The following LGSN variants were observed in gnomAD, a reference collection of about 807,000 sequenced individuals.
LGSN encodes the protein lengsin.
Under a neutral mutation model 19.5 loss-of-function variants are expected in LGSN, and 21 were observed. The ratio of observed to expected loss-of-function variants is 1.07; its 90% CI spans 0.76 to 1.55. The LOEUF (loss-of-function observed/expected upper bound fraction) is 1.55. Among genes scored for constraint, LGSN ranks in the 40% most tolerant of loss-of-function variants. The probability of loss-of-function intolerance (pLI) is 0.00; values close to 1 mark genes in which losing one functional copy is unlikely to be tolerated. For missense variants in LGSN, 673 were observed against 608.5 expected (o/e 1.11, Z -1.12); for synonymous variants, 257 against 215.6 (o/e 1.19, Z -1.68).
intron 1 of LGSN, among the ~76,000 whole-genome samples, chr6:63,307,909 G>A (rs1032601993): frequency 1.3e-5 from 2 of 152,186 alleles, no homozygotes; most frequent in East Asian, 1.9e-4. Flanking sequence ...CAAGCAGTCC[G>A]AGGATTCTTA....
At chr6:63,295,160 T>C in intron 1 of LGSN, 115 bp from the exon 2 acceptor site, 1 of 938,532 alleles carries the variant, frequency 1.1e-6, no homozygotes, top group East Asian at 2.5e-5. Flanking sequence ...AGAAGACTTT[T>C]ATAATGATGA....
chr6:63,302,709 C>A (rs1768231435), intron 1 of LGSN, among the ~76,000 whole-genome samples: 1 of 152,146 alleles, frequency 6.6e-6, no homozygotes, highest in Non-Finnish European at 1.5e-5. Flanking sequence ...CAGTGCTATG[C>A]ACCTAAATTG....
At chr6:63,341,661 T>C in the LGSN span, among the ~76,000 whole-genome samples, 1 of 152,056 alleles carries the variant, frequency 6.6e-6, no homozygotes, top group African/African-American at 2.4e-5. Flanking sequence ...AAAGGAAGGG[T>C]CCAGCTGGCA....
At chr6:63,324,653 G>T (rs1333492554), upstream of LGSN, among the ~76,000 whole-genome samples, 2 of 152,026 alleles carry the variant, frequency 1.3e-5, no homozygotes, top group Middle Eastern at 3.2e-3. Flanking sequence ...TAAACAACAT[G>T]CTCCTGAATG....
the LGSN span, among the ~76,000 whole-genome samples, chr6:63,508,103 A>T: frequency 1.3e-5 from 2 of 152,226 alleles, no homozygotes; most frequent in Non-Finnish European, 2.9e-5. Context: ...TTCAAGAGTA[A>T]AATCACATAT....
At chr6:63,450,084 C>T in the LGSN span, among the ~76,000 whole-genome samples, 54 of 151,660 alleles carry the variant, frequency 3.6e-4, no homozygotes, top group East Asian at 0.01. Context: ...TGGTGGCTCA[C>T]GCCTGTAACC....
At chr6:63,381,656 A>C in the LGSN span, among the ~76,000 whole-genome samples, 4 of 152,234 alleles carry the variant, frequency 2.6e-5, 1 homozygote, top group South Asian at 8.3e-4. Context: ...TTGCAAATTA[A>C]CCCATTCATC....
At chr6:63,336,352 T>G in the LGSN span, among the ~76,000 whole-genome samples, 2 of 152,124 alleles carry the variant, frequency 1.3e-5, no homozygotes, top group Non-Finnish European at 2.9e-5. Flanking sequence ...ATGTAGCCTA[T>G]AAATATGTAC....
chr6:63,478,093 G>C, the LGSN span, among the ~76,000 whole-genome samples: 1 of 151,924 alleles, frequency 6.6e-6, no homozygotes, highest in African/African-American at 2.4e-5. Context: ...AAGAATAACT[G>C]AACATAAAGT....
the LGSN span, among the ~76,000 whole-genome samples, chr6:63,336,859 C>T: frequency 2.6e-5 from 4 of 151,920 alleles, no homozygotes; most frequent in African/African-American, 4.8e-5. Context: ...CTCAGCCTCC[C>T]AAAGTGCTGG....
At chr6:63,332,587 G>A in the LGSN span, among the ~76,000 whole-genome samples, 1 of 152,192 alleles carries the variant, frequency 6.6e-6, no homozygotes, top group African/African-American at 2.4e-5. Context: ...GGGGTTGTTA[G>A]AGAGCCCTTT....
chr6:63,541,844 T>A, the LGSN span, among the ~76,000 whole-genome samples: 1 of 152,220 alleles, frequency 6.6e-6, no homozygotes, highest in African/African-American at 2.4e-5. Flanking sequence ...CCTGTTTCTC[T>A]TTCACATCAT....
At chr6:63,316,581 T>A (rs1304944523) in intron 1 of LGSN, among the ~76,000 whole-genome samples, 2 of 152,156 alleles carry the variant, frequency 1.3e-5, no homozygotes, top group Non-Finnish European at 2.9e-5. Context: ...TTTAGTATGT[T>A]CATAATTAAA....
chr6:63,411,440 T>C, the LGSN span, among the ~76,000 whole-genome samples: 1 of 152,214 alleles, frequency 6.6e-6, no homozygotes, highest in Non-Finnish European at 1.5e-5. Flanking sequence ...AATTTTAAGA[T>C]CTGTCCTTGA....
chr6:63,434,454 AAAAG>A, the LGSN span, among the ~76,000 whole-genome samples: 10 of 148,344 alleles, frequency 6.7e-5, no homozygotes, highest in Admixed American at 5.4e-4. Flanking sequence ...AAAAAAAAAA[AAAAG>A]AAGAAGTTGT....
chr6:63,515,263 G>A, the LGSN span, among the ~76,000 whole-genome samples: 2 of 151,826 alleles, frequency 1.3e-5, no homozygotes, highest in South Asian at 2.1e-4. Context: ...ACAGAATTTC[G>A]CTTTGTCACC....
chr6:63,416,972 C>T, the LGSN span, among the ~76,000 whole-genome samples: 4 of 150,980 alleles, frequency 2.6e-5, no homozygotes, highest in African/African-American at 4.9e-5. Context: ...TAACGAAAGT[C>T]GAACTTACAG....
At chr6:63,457,597 G>A in the LGSN span, among the ~76,000 whole-genome samples, 44 of 152,154 alleles carry the variant, frequency 2.9e-4, no homozygotes, top group African/African-American at 1.0e-3. Flanking sequence ...TTCAAATCAG[G>A]CCGGGCATGG....
the LGSN span, among the ~76,000 whole-genome samples, chr6:63,359,292 C>A: frequency 6.6e-6 from 1 of 152,252 alleles, no homozygotes; most frequent in Admixed American, 6.5e-5. Context: ...GTCTAAAATT[C>A]TCTTTTTTTG....
Sources: gnomAD v4.1 joint callset for allele counts (sites outside exome capture counted in the v4.1 genomes callset) on GRCh38, gnomAD v4.1.1 for gene constraint, MANE v1.5 for transcripts, NCBI Gene and HGNC (gene_info 2026-07-23, HGNC 2026-07-21) for gene names.